The following ATP2B2 variants were observed in gnomAD, a reference collection of about 807,000 sequenced individuals.
ATP2B2 encodes the protein ATPase plasma membrane Ca2+ transporting 2.
Under a neutral mutation model 120.0 loss-of-function variants are expected in ATP2B2, and 15 were observed. The observed-to-expected ratio is 0.12, with a 90% confidence interval of 0.08 to 0.19. The LOEUF is 0.19. Ranked by LOEUF, ATP2B2 falls within the 10% of genes least tolerant of loss-of-function variation. The pLI is 1.00. For synonymous variants in ATP2B2, 694 were observed against 700.3 expected (o/e 0.99, Z 0.14); for missense variants, 1,045 against 1,719.8 (o/e 0.61, Z 6.94).
At chr3:10,440,667 C>T (rs2063633644) in intron 2 of ATP2B2, among the ~76,000 whole-genome samples, 1 of 152,214 alleles carries the variant, frequency 6.6e-6, no homozygotes, top group Admixed American at 6.5e-5. Context: ...GGAAGCTACT[C>T]CTGATTTTGT....
intron 2 of ATP2B2, chr3:10,534,260 G>T (rs2067265706): frequency 6.6e-6 from 1 of 152,444 alleles, no homozygotes. Context: ...GCTAGGGATG[G>T]GTTTGACAAG....
chr3:10,403,485 G>A (rs1339558503), intron 3 of ATP2B2, among the ~76,000 whole-genome samples: 2 of 152,260 alleles, frequency 1.3e-5, no homozygotes, highest in African/African-American at 4.8e-5. Flanking sequence ...GCAGTGCTGG[G>A]CCTAAGGCCC....
At chr3:10,450,965 G>C (rs781273161) in intron 1 of ATP2B2, among the ~76,000 whole-genome samples, 13 of 152,166 alleles carry the variant, frequency 8.5e-5, no homozygotes, top group African/African-American at 1.2e-4. Flanking sequence ...CCTGGGCCCA[G>C]GACGGTGAGG....
chr3:10,583,977 G>A (rs112107014), intron 2 of ATP2B2, among the ~76,000 whole-genome samples: 27,837 of 152,232 alleles, frequency 0.18, 3,071 homozygotes, highest in Non-Finnish European at 0.24. Context: ...GGCAGTAATC[G>A]CTGGCCAGGT....
intron 1 of ATP2B2, among the ~76,000 whole-genome samples, chr3:10,706,889 C>T (rs1404907887): frequency 2.6e-5 from 4 of 152,168 alleles, no homozygotes; most frequent in Admixed American, 6.5e-5. Context: ...CACTCTAACC[C>T]GTTATAAGAA....
At chr3:10,589,770 T>C (rs766896870) in intron 2 of ATP2B2, among the ~76,000 whole-genome samples, 1 of 152,164 alleles carries the variant, frequency 6.6e-6, no homozygotes. Context: ...GAATAAACAC[T>C]GCCAACAATC....
chr3:10,483,529 G>C (rs1378822060), intron 1 of ATP2B2, among the ~76,000 whole-genome samples: 1 of 152,198 alleles, frequency 6.6e-6, no homozygotes. Context: ...CTGAGGGGCA[G>C]CCTGGATTTC....
chr3:10,505,900 C>T (rs375328289), upstream of ATP2B2, among the ~76,000 whole-genome samples: 4 of 151,946 alleles, frequency 2.6e-5, no homozygotes, highest in South Asian at 6.2e-4. Context: ...GGAATATGCC[C>T]GCTCCCCAGA....
intron 5 of ATP2B2, among the ~76,000 whole-genome samples, chr3:10,398,651 C>T (rs2062122136): frequency 6.6e-6 from 1 of 152,230 alleles, no homozygotes; most frequent in Admixed American, 6.5e-5. Context: ...CTGCAGGCCT[C>T]AGCTCTCCTG....
chr3:10,414,410 T>C (rs1371961594), intron 2 of ATP2B2, among the ~76,000 whole-genome samples: 1 of 152,028 alleles, frequency 6.6e-6, no homozygotes, highest in Non-Finnish European at 1.5e-5. Flanking sequence ...CAAATTTGAA[T>C]AGGTGTGGGG....
At chr3:10,555,034 C>T (rs940915299) in intron 2 of ATP2B2, among the ~76,000 whole-genome samples, 3 of 152,360 alleles carry the variant, frequency 2.0e-5, no homozygotes, top group African/African-American at 7.2e-5. Flanking sequence ...AGGTCAGAGG[C>T]CCATTATGTG....
intron 2 of ATP2B2, among the ~76,000 whole-genome samples, chr3:10,560,738 C>T (rs2067884781): frequency 6.6e-6 from 1 of 152,174 alleles, no homozygotes; most frequent in Admixed American, 6.5e-5. Context: ...GATACACTCC[C>T]CAACAGAAGG....
At chr3:10,696,713 T>C (rs2071747140) in intron 1 of ATP2B2, among the ~76,000 whole-genome samples, 1 of 152,128 alleles carries the variant, frequency 6.6e-6, no homozygotes, top group Non-Finnish European at 1.5e-5. Context: ...AAGGGCAGAG[T>C]TTGGGCAAGA....
intron 1 of ATP2B2, among the ~76,000 whole-genome samples, chr3:10,470,337 G>C (rs576565606): frequency 6.6e-6 from 1 of 152,280 alleles, no homozygotes; most frequent in South Asian, 2.1e-4. Flanking sequence ...CTGAGGCTCA[G>C]AGAGATTGAG....
In ATP2B2 at chr3:10,340,795, C is replaced by T. The variant is rs2060253426; in HGVS notation, c.2918-91G>A. On this transcript the variant is annotated intron_variant, in intron 19 of 22. Coordinates refer to ENST00000360273, the MANE Select transcript of ATP2B2 (RefSeq NM_001001331.4). This position sits in a 1 kb window ranked among gnomAD's most constrained non-coding sequence, Gnocchi z 5.0. ...GCCTTTCGTGGGGGCCTCTTCTGAG[C>T]AGTGACGTGAATCCCCAAGACATCA... 1.5e-6 allele frequency: 2 copies of T among 1,291,856 alleles called. No homozygotes were observed. The highest frequency in any genetic ancestry group is 2.2e-6 in the Non-Finnish European group (2 of 900,174). 80.0% of individuals were successfully genotyped at this position (1,291,856 alleles called of 1,614,324 possible). A position where few individuals can be genotyped will look rare whatever the true frequency, so the allele number is the denominator to read the frequency against.
intron 1 of ATP2B2, among the ~76,000 whole-genome samples, chr3:10,472,041 A>C (rs1206053922): frequency 1.4e-5 from 2 of 145,438 alleles, no homozygotes; most frequent in African/African-American, 5.1e-5. Flanking sequence ...AGATTGCGCC[A>C]CTGCACTCCC....
intron 2 of ATP2B2, chr3:10,570,084 GT>G (rs1343968920): frequency 6.6e-6 from 1 of 152,230 alleles, no homozygotes; most frequent in African/African-American, 2.4e-5. Flanking sequence ...CCCTTCCTCT[GT>G]TTGGGGAGCT....
chr3:10,380,572 T>C (rs1209078796), intron 8 of ATP2B2, among the ~76,000 whole-genome samples: 1 of 152,186 alleles, frequency 6.6e-6, no homozygotes, highest in East Asian at 1.9e-4. Flanking sequence ...ATGAGCTGCT[T>C]GGGTCTCAAT....
At chr3:10,471,367 T>A (rs60527884) in intron 1 of ATP2B2, among the ~76,000 whole-genome samples, 131 of 1,328 alleles carry the variant, frequency 0.099, no homozygotes, top group Middle Eastern at 0.25. Flanking sequence ...AGGAAACCTG[T>A]GTGTGTGTGT....
Sources: gnomAD v4.1 joint callset for allele counts (sites outside exome capture counted in the v4.1 genomes callset) on GRCh38, gnomAD v4.1.1 for gene constraint, Gnocchi (gnomAD v3.1) non-coding constraint, MANE v1.5 for transcripts, NCBI Gene and HGNC (gene_info 2026-07-23, HGNC 2026-07-21) for gene names.